The following SH3KBP1 variants were observed in gnomAD, a reference collection of about 807,000 sequenced individuals.
The protein encoded by SH3KBP1 is SH3 domain-containing kinase-binding protein 1.
SH3KBP1 carries 8 observed loss-of-function variants against 50.1 expected under a neutral mutation model. The observed-to-expected ratio is 0.16, with a 90% CI of 0.09 to 0.29. SH3KBP1 has a LOEUF of 0.29. SH3KBP1 is among the 10% of genes least tolerant of loss of function. The probability of loss-of-function intolerance (pLI) is 1.00; values close to 1 mark genes in which losing one functional copy is unlikely to be tolerated. For missense variants in SH3KBP1, 377 were observed against 535.2 expected (o/e 0.70, Z 2.92); for synonymous variants, 227 against 218.6 (o/e 1.04, Z -0.34).
At chrX:19,621,662 T>C (rs1032354906) in intron 8 of SH3KBP1, among the ~76,000 whole-genome samples, 2 of 112,160 alleles carry the variant, frequency 1.8e-5, no homozygotes, top group Non-Finnish European at 3.8e-5. Flanking sequence ...CAAATCTAAG[T>C]ATCCATAAAT....
At chrX:19,568,648 C>T (rs186843894) in intron 13 of SH3KBP1, among the ~76,000 whole-genome samples, 22 of 111,729 alleles carry the variant, frequency 2.0e-4, no homozygotes, top group Non-Finnish European at 3.8e-4. Flanking sequence ...GGTATCCTGA[C>T]CTTGGGAAAA....
At chrX:19,684,375 AC>A (rs1446028572) in intron 5 of SH3KBP1, among the ~76,000 whole-genome samples, 1 of 110,873 alleles carries the variant, frequency 9.0e-6, no homozygotes, top group Non-Finnish European at 1.9e-5. Context: ...AACCCTTCCC[AC>A]CCACCTTGTT....
intron 1 of SH3KBP1, among the ~76,000 whole-genome samples, chrX:19,856,268 CT>C (rs2068640414): frequency 8.9e-6 from 1 of 111,954 alleles, no homozygotes. Context: ...AAATCAATAA[CT>C]GCAACAGAGA....
chrX:19,808,121 T>G (rs2067104146), intron 2 of SH3KBP1, among the ~76,000 whole-genome samples: 1 of 111,390 alleles, frequency 9.0e-6, no homozygotes, highest in Non-Finnish European at 1.9e-5. Context: ...CCACTGTTAT[T>G]CCTGGGGGCT....
intron 8 of SH3KBP1, among the ~76,000 whole-genome samples, chrX:19,624,355 C>G (rs2067946600): frequency 9.0e-6 from 1 of 111,383 alleles, no homozygotes; most frequent in Admixed American, 9.6e-5. Context: ...TGTCCTGCCA[C>G]TTTAGCACAA....
At chrX:19,832,670 A>C (rs57797807) in intron 2 of SH3KBP1, among the ~76,000 whole-genome samples, 34,032 of 108,197 alleles carry the variant, frequency 0.31, 7,511 homozygotes, top group African/African-American at 0.77. Context: ...TCTCACTCGC[A>C]TCCCTCCCTG....
chrX:19,589,360 A>T (rs1055123389), intron 11 of SH3KBP1, among the ~76,000 whole-genome samples: 7 of 111,412 alleles, frequency 6.3e-5, no homozygotes, highest in African/African-American at 2.3e-4. Flanking sequence ...CCTGCTGGGT[A>T]TGGGAAGGAA....
intron 8 of SH3KBP1, among the ~76,000 whole-genome samples, chrX:19,621,577 T>A (rs1226420060): frequency 9.4e-6 from 1 of 106,726 alleles, no homozygotes; most frequent in African/African-American, 3.9e-5. Flanking sequence ...TAAGAATAGT[T>A]TTTACATTTT....
intron 3 of SH3KBP1, among the ~76,000 whole-genome samples, chrX:19,722,507 C>A (rs1240443577): frequency 9.1e-6 from 1 of 110,362 alleles, no homozygotes; most frequent in African/African-American, 3.3e-5. Context: ...ACACCCCTTG[C>A]TCCCAGCCCT....
intron 1 of SH3KBP1, among the ~76,000 whole-genome samples, chrX:19,866,648 C>T (rs1159017041): frequency 2.8e-5 from 3 of 107,867 alleles, no homozygotes; most frequent in African/African-American, 1.0e-4. Flanking sequence ...CATGATCACA[C>T]CACTGCACTC....
At chrX:19,761,018 C>T (rs532182150) in intron 2 of SH3KBP1, among the ~76,000 whole-genome samples, 2 of 106,360 alleles carry the variant, frequency 1.9e-5, no homozygotes, top group African/African-American at 3.5e-5. Flanking sequence ...AAGAGAAGGA[C>T]GCAAGATCCA....
intron 2 of SH3KBP1, among the ~76,000 whole-genome samples, chrX:19,806,556 C>T (rs1039893575): frequency 9.0e-6 from 1 of 111,124 alleles, no homozygotes; most frequent in Non-Finnish European, 1.9e-5. Context: ...AATTACTTAA[C>T]AGTTATTGAG....
intron 6 of SH3KBP1, among the ~76,000 whole-genome samples, chrX:19,680,339 C>T (rs1207016608): frequency 9.8e-6 from 1 of 102,264 alleles, no homozygotes; most frequent in African/African-American, 3.7e-5. Flanking sequence ...AAGATTGTGC[C>T]ACTGCACTCC....
chrX:19,754,469 G>T (rs139597910), intron 2 of SH3KBP1, among the ~76,000 whole-genome samples: 4 of 111,753 alleles, frequency 3.6e-5, no homozygotes, highest in Non-Finnish European at 5.6e-5. Flanking sequence ...AGTGTTATGG[G>T]CAAGATGGCT....
intron 13 of SH3KBP1, among the ~76,000 whole-genome samples, chrX:19,557,211 C>T (rs1317798482): frequency 8.9e-6 from 1 of 112,084 alleles, no homozygotes; most frequent in Non-Finnish European, 1.9e-5. Flanking sequence ...CACTACAGAA[C>T]GTTGCTTGTT....
intron 2 of SH3KBP1, among the ~76,000 whole-genome samples, chrX:19,751,202 G>A (rs1324360465): frequency 8.9e-6 from 1 of 112,080 alleles, no homozygotes; most frequent in Non-Finnish European, 1.9e-5. Context: ...CTGCAGAGGA[G>A]GGTTGGCTTG....
At chrX:19,846,219 A>AT (rs765082543) in intron 1 of SH3KBP1, among the ~76,000 whole-genome samples, 1 of 107,463 alleles carries the variant, frequency 9.3e-6, no homozygotes, top group Non-Finnish European at 1.9e-5. Context: ...ACCCAGCTAA[A>AT]TTTTTTTTTA....
At chrX:19,649,402 C>T (rs1569381270) in intron 6 of SH3KBP1, among the ~76,000 whole-genome samples, 1 of 111,241 alleles carries the variant, frequency 9.0e-6, no homozygotes, top group Non-Finnish European at 1.9e-5. Flanking sequence ...AGTACACACA[C>T]CCACATTAGT....
chrX:19,690,149 T>C (rs1460980764), intron 5 of SH3KBP1, among the ~76,000 whole-genome samples: 1 of 105,497 alleles, frequency 9.5e-6, no homozygotes, highest in Non-Finnish European at 1.9e-5. Context: ...AGCCTCGACC[T>C]CCTGGGTTCA....
Sources: allele counts gnomAD v4.1 joint callset (sites outside exome capture counted in the v4.1 genomes callset), GRCh38; gene constraint gnomAD v4.1.1; transcripts MANE v1.5; gene names NCBI Gene and HGNC (gene_info 2026-07-23, HGNC 2026-07-21).